The following PHLDB2 variants were observed in gnomAD, a reference collection of about 807,000 sequenced individuals.
The protein encoded by PHLDB2 is pleckstrin homology like domain family B member 2.
PHLDB2 carries 71 observed loss-of-function variants against 123.6 expected under a neutral mutation model. The ratio of observed to expected loss-of-function variants is 0.57; its 90% CI spans 0.47 to 0.70. The LOEUF is 0.70. Among genes scored for constraint, PHLDB2 ranks in the 30% least tolerant of loss-of-function variants. The pLI is 0.00. For synonymous variants in PHLDB2, 547 were observed against 541.6 expected (o/e 1.01, Z -0.14); for missense variants, 1,446 against 1,519.5 (o/e 0.95, Z 0.80).
chr3:111,930,954 G>T (rs896448702), intron 5 of PHLDB2, among the ~76,000 whole-genome samples: 1 of 152,226 alleles, frequency 6.6e-6, no homozygotes. Flanking sequence ...GGAGACTCAA[G>T]TGAACTGGTA....
At chr3:111,931,200 C>T (rs927417522) in intron 5 of PHLDB2, among the ~76,000 whole-genome samples, 7 of 152,210 alleles carry the variant, frequency 4.6e-5, no homozygotes, top group East Asian at 1.9e-4. Flanking sequence ...TTTCACTTAC[C>T]GAAGGTCAAA....
intron 1 of PHLDB2, among the ~76,000 whole-genome samples, chr3:111,780,463 A>G (rs1325277892): frequency 1.3e-5 from 2 of 151,260 alleles, no homozygotes; most frequent in Non-Finnish European, 2.9e-5. Context: ...TTTCTTTTCC[A>G]TTATGAAATA....
chr3:111,881,645 T>C (rs1477886266), intron 1 of PHLDB2, among the ~76,000 whole-genome samples: 1 of 152,212 alleles, frequency 6.6e-6, no homozygotes, highest in Non-Finnish European at 1.5e-5. Flanking sequence ...TATTTCTCTG[T>C]ACTGAGAATG....
rs188147692 is a variant in PHLDB2 at position 111,808,053 on chromosome 3, A to T, written c.-48-37768A>T. ...GTGTTAAAAATTACCAATGCCTGGG[A>T]CCCAGCCCAGAAATTCTGATTTCAT... On this transcript the variant is annotated intron_variant, in intron 1 of 17. Transcript: ENST00000393923. Among the ~76,000 whole-genome samples, 5 of 150,126 alleles carry T rather than the reference A, an allele frequency of 3.3e-5. No individual in the cohort carries two copies. The East Asian group carries it at 9.9e-4, about 30-fold the overall frequency.
At chr3:111,815,827 C>G (rs1441755014) in intron 1 of PHLDB2, among the ~76,000 whole-genome samples, 1 of 152,166 alleles carries the variant, frequency 6.6e-6, no homozygotes, top group African/African-American at 2.4e-5. Context: ...GACAATGTCT[C>G]CAGGGCATGT....
intron 1 of PHLDB2, among the ~76,000 whole-genome samples, chr3:111,744,827 A>G (rs1214492748): frequency 6.6e-6 from 1 of 152,208 alleles, no homozygotes; most frequent in East Asian, 1.9e-4. Flanking sequence ...GAAAGGATGA[A>G]TGAAAAGCTC....
chr3:111,785,805 G>A (rs1450776299), intron 1 of PHLDB2, among the ~76,000 whole-genome samples: 2 of 152,130 alleles, frequency 1.3e-5, no homozygotes, highest in Admixed American at 6.5e-5. Context: ...TAGGAGGATA[G>A]TCAGAGAAGG....
chr3:111,816,858 CAT>C (rs1372650070), intron 1 of PHLDB2, among the ~76,000 whole-genome samples: 8 of 152,190 alleles, frequency 5.3e-5, no homozygotes, highest in Non-Finnish European at 8.8e-5. Flanking sequence ...ACAATTTCCA[CAT>C]GTTGTGGGAA....
intron 1 of PHLDB2, among the ~76,000 whole-genome samples, chr3:111,760,498 T>TA (rs994181700): frequency 1.3e-4 from 20 of 152,174 alleles, no homozygotes; most frequent in Non-Finnish European, 2.2e-4. Context: ...GCATTTCAGA[T>TA]AAAAAACTAG....
At chr3:111,880,721 A>G (rs1001526394) in intron 1 of PHLDB2, among the ~76,000 whole-genome samples, 14 of 152,020 alleles carry the variant, frequency 9.2e-5, no homozygotes, top group African/African-American at 3.1e-4. Context: ...TTCTGCGTTA[A>G]AAACCTGTTC....
intron 1 of PHLDB2, among the ~76,000 whole-genome samples, chr3:111,816,848 A>G (rs2062098565): frequency 6.6e-6 from 1 of 152,214 alleles, no homozygotes; most frequent in African/African-American, 2.4e-5. Context: ...TGTAACTCCC[A>G]CAATTTCCAC....
chr3:111,955,540 A>G (rs866943039), intron 12 of PHLDB2, among the ~76,000 whole-genome samples: 2 of 152,098 alleles, frequency 1.3e-5, no homozygotes, highest in Non-Finnish European at 2.9e-5. Context: ...AAACTCTGCC[A>G]CCTGGGTTCA....
chr3:111,870,229 G>A (rs528407317), intron 1 of PHLDB2, among the ~76,000 whole-genome samples: 4 of 152,250 alleles, frequency 2.6e-5, no homozygotes, highest in African/African-American at 9.6e-5. Context: ...GAATAGCATT[G>A]GAAGGAGAGA....
chr3:111,911,531 C>T, intron 2 of PHLDB2: 1 of 1,175,722 alleles, frequency 8.5e-7, no homozygotes, highest in East Asian at 2.6e-5. Context: ...CCTGCTTCCT[C>T]CCTATAAAGC....
intron 1 of PHLDB2, among the ~76,000 whole-genome samples, chr3:111,759,625 C>G (rs2059960371): frequency 6.6e-6 from 1 of 152,082 alleles, no homozygotes; most frequent in Non-Finnish European, 1.5e-5. Flanking sequence ...CAAATGGTTT[C>G]AAGACAGCAA....
chr3:111,948,828 G>T (rs1027071784), intron 9 of PHLDB2, 104 bp from the exon 10 acceptor site: 11 of 1,007,630 alleles, frequency 1.1e-5, no homozygotes, highest in African/African-American at 3.2e-5. Context: ...CAGATATCTG[G>T]CTGTGCCGCT....
chr3:111,813,184 G>A (rs1052311807), intron 1 of PHLDB2, among the ~76,000 whole-genome samples: 1 of 152,156 alleles, frequency 6.6e-6, no homozygotes, highest in East Asian at 1.9e-4. Flanking sequence ...AGGATACAAA[G>A]TTTCAGCTTG....
intron 1 of PHLDB2, among the ~76,000 whole-genome samples, chr3:111,810,415 CA>C (rs2061780535): frequency 6.6e-6 from 1 of 152,118 alleles, no homozygotes; most frequent in Non-Finnish European, 1.5e-5. Flanking sequence ...AGTTCAAGCT[CA>C]GGGTGCCAGC....
chr3:111,753,682 T>G (rs201199456), intron 1 of PHLDB2, among the ~76,000 whole-genome samples: 1 of 152,186 alleles, frequency 6.6e-6, no homozygotes, highest in Non-Finnish European at 1.5e-5. Context: ...TTTTGGCTTT[T>G]GTTGCCATTG....
Sources: allele counts gnomAD v4.1 joint callset (sites outside exome capture counted in the v4.1 genomes callset), GRCh38; gene constraint gnomAD v4.1.1; transcripts MANE v1.5; gene names NCBI Gene and HGNC (gene_info 2026-07-23, HGNC 2026-07-21).